The following MED13 variants were observed in gnomAD, a reference collection of about 807,000 sequenced individuals.
MED13 encodes the protein mediator complex subunit 13.
Under a neutral mutation model 225.2 loss-of-function variants are expected in MED13, and 23 were observed. That is an observed-to-expected ratio of 0.10 (90% CI 0.07 to 0.14). The LOEUF (loss-of-function observed/expected upper bound fraction) is 0.14. Ranked by LOEUF, MED13 falls within the 10% of genes least tolerant of loss-of-function variation. The pLI is 1.00. For synonymous variants in MED13, 942 were observed against 889.2 expected (o/e 1.06, Z -1.06); for missense variants, 2,197 against 2,594.5 (o/e 0.85, Z 3.33).
intron 3 of MED13, among the ~76,000 whole-genome samples, chr17:62,045,523 A>G (rs1476746582): frequency 6.6e-6 from 1 of 151,810 alleles, no homozygotes; most frequent in Non-Finnish European, 1.5e-5. Context: ...CCCTGTCTCT[A>G]TTTAAAAAAA....
chr17:61,987,986 G>T (rs1034027509), intron 11 of MED13, among the ~76,000 whole-genome samples: 5 of 151,444 alleles, frequency 3.3e-5, no homozygotes, highest in African/African-American at 1.2e-4. Flanking sequence ...CAAGCAATCT[G>T]CCCACCTCTG....
rs192066579 is a variant in MED13, at chr17:61,986,652, G to C, written c.2385+355C>G. On this transcript the variant is annotated intron_variant, in intron 12 of 29. Transcript: ENST00000397786. ...AATGTCAATTATGTATGTGTTCTCT[G>C]AATGAGTAAATTCCAGAGTCATTTC... is the stretch of plus-strand genomic sequence containing the variant. Among the ~76,000 whole-genome samples, 8 of 152,258 alleles carry C rather than the reference G, an allele frequency of 5.3e-5. No homozygotes were observed. In the East Asian group the frequency reaches 1.5e-3, roughly 29 times the overall value.
chr17:61,952,347 A>T (rs2079903716), intron 27 of MED13, among the ~76,000 whole-genome samples: 1 of 152,180 alleles, frequency 6.6e-6, no homozygotes, highest in African/African-American at 2.4e-5. Flanking sequence ...TGAGAAAATT[A>T]ATATTTTTAT....
Position 62,011,231 on chromosome 17 carries a change from T to C in MED13, c.1286A>G (p.His429Arg). 1 of 1,603,698 alleles carries C rather than the reference T, an allele frequency of 6.2e-7. No individual in the cohort carries two copies. The highest frequency in any genetic ancestry group is 8.5e-7 in the Non-Finnish European group (1 of 1,175,848). The change falls in exon 9 of 30, where the codon CAC (histidine) becomes CGC (arginine). Residue 429 changes from histidine to arginine, a missense_variant and splice_region_variant. By Grantham distance (29) the His-to-Arg change is conservative (BLOSUM62 0). Around this residue, in one of 12 missense-constraint regions of MED13, gnomAD observed 884 missense variants for 918.5 expected, o/e 0.96. Transcript: ENST00000397786. ...AGCATTTCTTGACTTGAGATTTTTG[T>C]GCCTGAAAAGTGAAAATAAAGGTTT... The part of the protein sequence containing the change: ...TQRTNCSCLR[H>R]KNLKSRNAGQ...
At chr17:61,981,085 C>T (rs1041809176) in intron 16 of MED13, among the ~76,000 whole-genome samples, 3 of 151,378 alleles carry the variant, frequency 2.0e-5, no homozygotes, top group Non-Finnish European at 2.9e-5. Context: ...TGCAGTAGTG[C>T]GATCTTGGCT....
In MED13 at chr17:62,052,626, C is replaced by T. The variant is rs773848378; in HGVS notation, c.381G>A (p.Leu127=). The T allele has an allele frequency of 1.9e-6, 3 of 1,604,014 alleles. No individual in the cohort carries two copies. The highest frequency in any genetic ancestry group is 2.2e-5 in the East Asian group (1 of 44,622). Residue 127 remains leucine, a synonymous_variant, in exon 3 of 30, where the codon TTG becomes TTA. Transcript: ENST00000397786. ...AATTCCTGTTCATTAAACACCGTTC[C>T]AATAGATTGTGAACTGCTTTGAAAA... ...TLLFKAVHNL[L]ERCLMNRNFV...
chr17:61,984,296 T>A lies in MED13; in HGVS notation c.2763A>T (p.Lys921Asn). The A allele has an allele frequency of 6.2e-7, 1 of 1,610,514 alleles. No individual in the cohort carries two copies. Among genetic ancestry groups the A allele is most frequent in the Non-Finnish European group, 8.5e-7 (1 of 1,178,678 alleles). The change falls in exon 15 of 30, where the codon AAA (lysine) becomes AAT (asparagine). Residue 921 changes from lysine (K) to asparagine (N), a missense_variant. Around this residue, in one of 12 missense-constraint regions of MED13, gnomAD observed 160 missense variants for 184.8 expected, o/e 0.87. Coordinates refer to ENST00000397786, the MANE Select transcript of MED13 (RefSeq NM_005121.3). ...LVGCSMFAPL[K>N]TLPSQYLPPI... Reference sequence around the variant, plus strand: ...GGGGCAGATATTGGCTTGGTAGAGTTTTTAGAGGTGCAAACATGGAACATC... The same window carrying A: ...GGGGCAGATATTGGCTTGGTAGAGTATTTAGAGGTGCAAACATGGAACATC...
At chr17:61,961,388 C>T (rs1178591187) in intron 22 of MED13, among the ~76,000 whole-genome samples, 200 bp downstream of exon 22, 4 of 151,802 alleles carry the variant, frequency 2.6e-5, no homozygotes, top group East Asian at 1.9e-4. Context: ...GGCAAGGTGG[C>T]GCATGCCTGT....
Position 61,959,726 on chromosome 17 carries a change from CTT to C in MED13, c.5480+1139_5480+1140del, listed in dbSNP as rs11288442. Among the ~76,000 whole-genome samples, 516 of 119,624 alleles carry C rather than the reference CTT, an allele frequency of 4.3e-3. 2 individuals are homozygous for C. In the East Asian group the frequency reaches 0.045, roughly 10 times the overall value. The allele number at this position is 119,624 out of a possible 152,430, so 78.5% of individuals were successfully genotyped here. A position where few individuals can be genotyped will look rare whatever the true frequency, so the allele number is the denominator to read the frequency against. ...AGAAAATAAACGATAGAACCCAAAT[CTT>C]TTTTTTTTTTTTTTTTTTGAGACAG... On this transcript the variant is annotated intron_variant, in intron 23 of 29. Transcript: ENST00000397786.
At chr17:61,949,170 G>A (rs945887201) in intron 28 of MED13, among the ~76,000 whole-genome samples, 9 of 151,760 alleles carry the variant, frequency 5.9e-5, no homozygotes, top group South Asian at 2.1e-4. Flanking sequence ...ATTCTGTATA[G>A]GGCTTTTATA....
intron 28 of MED13, among the ~76,000 whole-genome samples, chr17:61,948,458 C>T (rs1483360652): frequency 1.3e-5 from 2 of 152,052 alleles, no homozygotes; most frequent in Admixed American, 6.5e-5. Flanking sequence ...TTAAATAATC[C>T]TTTCCTTGTG....
chr17:62,024,725 CTTCT>C (rs1452333282), intron 8 of MED13, among the ~76,000 whole-genome samples: 1 of 152,142 alleles, frequency 6.6e-6, no homozygotes, highest in African/African-American at 2.4e-5. Context: ...CTGTTGTTCC[CTTCT>C]TTGTGTCCAT....
chr17:62,017,730 T>C (rs989739965), intron 8 of MED13, among the ~76,000 whole-genome samples: 1 of 152,222 alleles, frequency 6.6e-6, no homozygotes, highest in Non-Finnish European at 1.5e-5. Flanking sequence ...TTTTTTATGA[T>C]AGTATCACTT....
chr17:61,956,195 T>C, intron 24 of MED13, 144 bp downstream of exon 24: 1 of 771,768 alleles, frequency 1.3e-6, no homozygotes, highest in South Asian at 2.9e-5. Flanking sequence ...AAATTTGAAT[T>C]AAGCCATTTG....
chr17:61,995,179 A>G lies in MED13; in HGVS notation c.2154T>C (p.Ser718=), dbSNP rs754561679. The G allele has an allele frequency of 4.3e-6, 7 of 1,613,272 alleles. No individual in the cohort carries two copies. The highest frequency in any genetic ancestry group is 5.9e-6 in the Non-Finnish European group (7 of 1,179,718). Reference sequence around the variant, plus strand: ...TGTGTTTTTTTCCAGCTTCTCTCTCACTATTTTGTCTATCTTTTTTATCAG... The same window carrying G: ...TGTGTTTTTTTCCAGCTTCTCTCTCGCTATTTTGTCTATCTTTTTTATCAG... The part of the protein sequence containing the change: ...LFPDKKDRQN[S]EREAGKKHKV... Residue 718 remains serine (S), a synonymous_variant, in exon 10 of 30, where the codon AGT becomes AGC. Coordinates refer to ENST00000397786, the MANE Select transcript of MED13 (RefSeq NM_005121.3).
At chr17:62,039,575 C>A (rs945738631) in intron 3 of MED13, among the ~76,000 whole-genome samples, 64 of 150,762 alleles carry the variant, frequency 4.2e-4, no homozygotes, top group South Asian at 2.8e-3. Flanking sequence ...TGAACCACCG[C>A]ACCCAGCCAA....
chr17:61,955,286 G>C, intron 26 of MED13, 96 bp downstream of exon 26: 1 of 1,029,388 alleles, frequency 9.7e-7, no homozygotes, highest in Non-Finnish European at 1.3e-6. Context: ...ATCATTTTTT[G>C]GTAAAACAAG....
intron 3 of MED13, among the ~76,000 whole-genome samples, chr17:62,047,996 T>C (rs1158199657): frequency 1.4e-5 from 2 of 147,228 alleles, no homozygotes; most frequent in Non-Finnish European, 3.0e-5. Flanking sequence ...GGCTCAGAAG[T>C]TGAAGGTACT....
intron 8 of MED13, among the ~76,000 whole-genome samples, chr17:62,014,001 T>C (rs2080536762): frequency 6.6e-6 from 1 of 152,036 alleles, no homozygotes. Flanking sequence ...ATCACACCAC[T>C]GCACTCCAGC....
Sources: gnomAD v4.1 joint callset for allele counts (sites outside exome capture counted in the v4.1 genomes callset) on GRCh38, gnomAD v4.1.1 for gene constraint, gnomAD v4.1.1 regional missense constraint, MANE v1.5 for transcripts, NCBI Gene and HGNC (gene_info 2026-07-23, HGNC 2026-07-21) for gene names.